The following RESP18 variants were observed in gnomAD, a reference collection of about 807,000 sequenced individuals.
The protein encoded by RESP18 is regulated endocrine specific protein 18, also known as regulated endocrine-specific protein 18.
RESP18 carries 30 observed loss-of-function variants against 30.0 expected under a neutral mutation model. The observed-to-expected ratio is 1.00, with a 90% CI of 0.75 to 1.36. The LOEUF is 1.36. Ranked by LOEUF, RESP18 falls within the 40% of genes most tolerant of loss-of-function variation. The pLI is 0.00. For synonymous variants in RESP18, 117 were observed against 111.2 expected, an observed-to-expected ratio of 1.05 and a Z score of -0.33; for missense variants, 320 against 284.2, an observed-to-expected ratio of 1.13 and a Z score of -0.91.
Position 219,330,810 on chromosome 2 carries a change from G to T in RESP18, c.298C>A (p.Gln100Lys), listed in dbSNP as rs781466104. 42 of 1,551,400 alleles carry T rather than the reference G, an allele frequency of 2.7e-5. 1 individual carries two copies. In the Admixed American group the frequency reaches 3.9e-4, roughly 14 times the overall value. ...TGCTGGAGCACAACCTGTAAATGCT[G>T]GAAGACTGGGGTGGCAAATCCTTGG... Residue 100 changes from glutamine (Q) to lysine (K), a missense_variant, in exon 3 of 7, where the codon CAG (glutamine) becomes AAG (lysine). Transcript: ENST00000333527.
intron 6 of RESP18, among the ~76,000 whole-genome samples, chr2:219,328,673 G>T (rs1028664852): frequency 1.3e-5 from 2 of 152,150 alleles, no homozygotes; most frequent in Non-Finnish European, 2.9e-5. Context: ...TACTAGATGG[G>T]CGGTTTCCAT....
rs539298690 is a variant in RESP18 at position 219,330,741 on chromosome 2, C to A, written c.337+30G>T. The A allele has an allele frequency of 2.1e-6, 3 of 1,444,720 alleles. No individual in the cohort carries two copies. In the African/African-American group the frequency reaches 4.2e-5, roughly 20 times the overall value. The allele number at this position is 1,444,720 out of a possible 1,614,324, so 89.5% of individuals were successfully genotyped here. ...CCCCCCTCCCCATCTCTAACCAGGC[C>A]CCAACCTCTGTTCTCCAGCTTTTAC... On this transcript the variant is annotated intron_variant, in intron 3 of 6. Coordinates refer to ENST00000333527, the MANE Select transcript of RESP18 (RefSeq NM_001007089.4).
chr2:219,328,645 T>C lies in RESP18; in HGVS notation c.640+279A>G, dbSNP rs1019853939. 5.9e-5 allele frequency among the ~76,000 whole-genome samples: 9 copies of C among 152,174 alleles called. 1 individual carries two copies. The highest frequency in any genetic ancestry group is 1.3e-4 in the Non-Finnish European group (9 of 68,036). On this transcript the variant is annotated intron_variant, in intron 6 of 6. Transcript: ENST00000333527. ...ATGGCCTGGGCCCCAATTTCTCATC[T>C]ATAAAGATGGATGGGAGTACTAGAT... is the stretch of plus-strand genomic sequence containing the variant.
In RESP18 at chr2:219,328,926, A is replaced by G. The variant is rs1427693377; in HGVS notation, c.638T>C (p.Met213Thr). The change falls in exon 6 of 7, where the codon ATG becomes ACG. Residue 213 changes from methionine to threonine, a missense_variant and splice_region_variant. By Grantham distance (81) the Met-to-Thr change is moderately conservative (BLOSUM62 -1). Coordinates refer to ENST00000333527, the MANE Select transcript of RESP18 (RefSeq NM_001007089.4). ...CCTATTTTAAACTCAATACTTACGCATGATCTTATAGATAATTTCTTCCTT... is the reference window on the plus strand; with the variant it reads ...CCTATTTTAAACTCAATACTTACGCGTGATCTTATAGATAATTTCTTCCTT... 7.1e-6 allele frequency: 11 copies of G among 1,546,430 alleles called. No homozygotes were observed. Among genetic ancestry groups the G allele is most frequent in the Non-Finnish European group, 9.6e-6 (11 of 1,142,690 alleles).
At position 219,329,022 on chromosome 2, in the gene RESP18, GA is replaced by G. The variant is rs1214477058; in HGVS notation, c.556-15del. The G allele has an allele frequency of 6.5e-7, 1 of 1,538,754 alleles. No individual in the cohort carries two copies. Among genetic ancestry groups the G allele is most frequent in the Non-Finnish European group, 8.8e-7 (1 of 1,135,430 alleles). On this transcript the variant is annotated splice_polypyrimidine_tract_variant and intron_variant, in intron 5 of 6. Coordinates refer to ENST00000333527, the MANE Select transcript of RESP18 (RefSeq NM_001007089.4). ...CCTATAGGTAATCTGAGAGATACAG[GA>G]AATTAGAAGTACCTTTGATTAGGAA...
intron 3 of RESP18, 76 bp from the exon 3 acceptor site, chr2:219,329,840 C>T (rs1344593935): frequency 7.1e-7 from 1 of 1,406,204 alleles, no homozygotes; most frequent in Non-Finnish European, 9.7e-7. Context: ...AGTAACCTTT[C>T]TCTCAAGTAT....
Position 219,327,574 on chromosome 2 carries a change from A to G in RESP18, c.641-11T>C. 6.4e-7 allele frequency: 1 copy of G among 1,551,382 alleles called. No homozygotes were observed. The highest frequency in any genetic ancestry group is 8.7e-7 in the Non-Finnish European group (1 of 1,146,708). ...TGGCCCAGAGAAGCCCTAAAACAAG[A>G]AGAAACAAGGGAGCTAGAGTCAGGA... On this transcript the variant is annotated splice_polypyrimidine_tract_variant and intron_variant, in intron 6 of 6. Coordinates refer to ENST00000333527, the MANE Select transcript of RESP18 (RefSeq NM_001007089.4).
In RESP18 at chr2:219,328,987, C is replaced by T. The variant is rs962111182; in HGVS notation, c.577G>A (p.Gly193Arg). Residue 193 changes from glycine (G) to arginine (R), a missense_variant, in exon 6 of 7, where the codon GGG (glycine) becomes AGG (arginine). Coordinates refer to ENST00000333527, the MANE Select transcript of RESP18 (RefSeq NM_001007089.4). ...GGCGCCTGCATCATGTCCAGCCCCC[C>T]ATATGAACACCTATAGGTAATCTGA... The T allele has an allele frequency of 6.4e-7, 1 of 1,551,044 alleles. No homozygotes were observed.
intron 2 of RESP18, 181 bp from the exon 2 acceptor site, chr2:219,331,056 T>C: frequency 3.6e-6 from 2 of 562,952 alleles, no homozygotes; most frequent in South Asian, 4.3e-5. Flanking sequence ...CCACTTGCCA[T>C]ATTCTTCAAC....
chr2:219,333,122 T>C (rs777968536), intron 1 of RESP18: 3 of 856,458 alleles, frequency 3.5e-6, no homozygotes, highest in Non-Finnish European at 3.0e-6. Context: ...TATAATATTA[T>C]ATATTATATA....
intron 2 of RESP18, among the ~76,000 whole-genome samples, chr2:219,331,645 C>T (rs1320715854): frequency 6.6e-6 from 1 of 152,078 alleles, no homozygotes; most frequent in African/African-American, 2.4e-5. Context: ...AGGGAAAGAG[C>T]TTCGGGAAGG....
chr2:219,332,657 C>G lies in RESP18; in HGVS notation c.99G>C (p.Pro33=), dbSNP rs1000598062. The G allele has an allele frequency of 3.9e-6, 6 of 1,551,218 alleles. No homozygotes were observed. Among genetic ancestry groups the G allele is most frequent in the Non-Finnish European group, 5.2e-6 (6 of 1,146,958 alleles). ...TCCCAGGCTCGGCGCGCTCACTCCC[C>G]GGCCAAGTCTCAGTGAAGGTAGCGG... The change falls in exon 2 of 7, where the codon CCG becomes CCC. Residue 33 remains proline, a synonymous_variant. Transcript: ENST00000333527.
Position 219,330,530 on chromosome 2 carries a change from G to GTTT in RESP18, c.337+238_337+240dup, listed in dbSNP as rs142399935. 3.7e-4 allele frequency among the ~76,000 whole-genome samples: 51 copies of GTTT among 136,640 alleles called. 1 individual carries two copies. The highest frequency in any genetic ancestry group is 1.5e-3 in the African/African-American group (45 of 29,304). The allele number at this position is 136,640 out of a possible 152,430, so 89.6% of individuals were successfully genotyped here. A position where few individuals can be genotyped will look rare whatever the true frequency, so the allele number is the denominator to read the frequency against. On this transcript the variant is annotated intron_variant, in intron 3 of 6. Coordinates refer to ENST00000333527, the MANE Select transcript of RESP18 (RefSeq NM_001007089.4). ...AGGAGTTGGATGCTGGCCGTTTTCA[G>GTTT]TTTTGTTTTTTTTTTTCCCTAGAAG...
At chr2:219,332,429 C>T (rs1559316541) in intron 2 of RESP18, 95 bp downstream of exon 1, 4 of 897,780 alleles carry the variant, frequency 4.5e-6, no homozygotes, top group East Asian at 5.3e-5. Flanking sequence ...CATTCTTTTA[C>T]TTCCAAGTTT....
Position 219,329,778 on chromosome 2 carries a change from G to C in RESP18, c.338-14C>G, listed in dbSNP as rs1360306573. On this transcript the variant is annotated splice_polypyrimidine_tract_variant and intron_variant, in intron 3 of 6. Coordinates refer to ENST00000333527, the MANE Select transcript of RESP18 (RefSeq NM_001007089.4). The stretch of plus-strand genomic sequence containing the variant: ...TCCAGAACAGACCTGCAGGATGAAA[G>C]GATGGGGGGTGAGTTGACACCTGAG... 28 of 1,548,616 alleles carry C rather than the reference G, an allele frequency of 1.8e-5. No homozygotes were observed. The highest frequency in any genetic ancestry group is 2.4e-5 in the Non-Finnish European group (27 of 1,144,694).
chr2:219,329,363 G>T lies in RESP18; in HGVS notation c.466-111C>A. On this transcript the variant is annotated intron_variant, in intron 4 of 6. Transcript: ENST00000333527. ...GGATTCACAATTCTTGAGAAGATAC[G>T]TGAGTCTCACTGGGGAATAGGAGTT... is the stretch of plus-strand genomic sequence containing the variant. The T allele has an allele frequency of 3.2e-6, 5 of 1,551,712 alleles. No individual in the cohort carries two copies. In the South Asian group the frequency reaches 3.6e-5, roughly 11 times the overall value.
intron 6 of RESP18, 137 bp from the exon 6 acceptor site, chr2:219,327,700 G>T: frequency 1.3e-6 from 1 of 745,002 alleles, no homozygotes; most frequent in Non-Finnish European, 2.3e-6. Flanking sequence ...CTCACCAACT[G>T]AGAGCCTGTC....
chr2:219,333,056 T>C, intron 1 of RESP18: 5 of 1,023,632 alleles, frequency 4.9e-6, no homozygotes, highest in Non-Finnish European at 5.4e-6. Flanking sequence ...CTCTTTACTC[T>C]GGCCCACTTA....
intron 3 of RESP18, among the ~76,000 whole-genome samples, chr2:219,330,448 G>A (rs1346053870): frequency 1.3e-5 from 2 of 152,010 alleles, no homozygotes; most frequent in South Asian, 4.1e-4. Flanking sequence ...AGAACTTGAA[G>A]AGTCCTGGCT....
Sources: allele counts gnomAD v4.1 joint callset (sites outside exome capture counted in the v4.1 genomes callset), GRCh38; gene constraint gnomAD v4.1.1; transcripts MANE v1.5; gene names NCBI Gene and HGNC (gene_info 2026-07-23, HGNC 2026-07-21).